The following EIF3H variants were observed in gnomAD, a reference collection of about 807,000 sequenced individuals.
EIF3H encodes eIF-3-gamma.
A neutral mutation model predicts 44.2 loss-of-function variants in EIF3H; 26 were observed. The ratio of observed to expected loss-of-function variants is 0.59; its 90% CI spans 0.43 to 0.82. The LOEUF is 0.82. Ranked by LOEUF, EIF3H falls within the 40% of genes least tolerant of loss-of-function variation. EIF3H has a pLI of 0.00. For synonymous variants in EIF3H, 166 were observed against 151.9 expected, an observed-to-expected ratio of 1.09 and a Z score of -0.68; for missense variants, 359 against 432.8, an observed-to-expected ratio of 0.83 and a Z score of 1.51.
At chr8:116,646,727 T>G in intron 6 of EIF3H, 124 bp from the exon 7 acceptor site, 1 of 1,307,228 alleles carries the variant, frequency 7.6e-7, no homozygotes, top group Admixed American at 2.3e-5. Context: ...TTTTTATCAT[T>G]GGCAACATTT....
At chr8:116,647,537 T>C (rs1813325001) in intron 6 of EIF3H, among the ~76,000 whole-genome samples, 3 of 152,232 alleles carry the variant, frequency 2.0e-5, no homozygotes, top group Admixed American at 2.0e-4. Context: ...AAAGCAGGGA[T>C]ATATATAAAC....
At chr8:116,664,213 T>C (rs1019736577) in intron 2 of EIF3H, among the ~76,000 whole-genome samples, 36 of 152,158 alleles carry the variant, frequency 2.4e-4, no homozygotes, top group African/African-American at 8.2e-4. Context: ...TGCAAAACAG[T>C]CCATTTTAAA....
chr8:116,701,779 A>G (rs949416908), intron 2 of EIF3H, among the ~76,000 whole-genome samples: 5 of 152,218 alleles, frequency 3.3e-5, no homozygotes, highest in African/African-American at 1.2e-4. Flanking sequence ...CTAGGAAAAG[A>G]AACAGACTGG....
chr8:116,672,638 G>GA (rs1236683656), intron 2 of EIF3H, among the ~76,000 whole-genome samples: 1 of 147,722 alleles, frequency 6.8e-6, no homozygotes, highest in African/African-American at 2.5e-5. Context: ...TCTTAAAAAA[G>GA]AAAAAAAGAA....
At chr8:116,683,240 A>T (rs767190844) in intron 2 of EIF3H, among the ~76,000 whole-genome samples, 3 of 152,252 alleles carry the variant, frequency 2.0e-5, no homozygotes, top group Non-Finnish European at 4.4e-5. Flanking sequence ...CTGCCATTAC[A>T]AAACAACATA....
At chr8:116,709,954 A>AT (rs1814545915) in intron 2 of EIF3H, among the ~76,000 whole-genome samples, 1 of 152,158 alleles carries the variant, frequency 6.6e-6, no homozygotes, top group African/African-American at 2.4e-5. Context: ...GCACACCTTC[A>AT]TTTTTTACAA....
At chr8:116,693,881 G>A (rs1586459969) in intron 2 of EIF3H, among the ~76,000 whole-genome samples, 2 of 151,936 alleles carry the variant, frequency 1.3e-5, no homozygotes, top group East Asian at 1.9e-4. Flanking sequence ...TACCCAGGCC[G>A]GCCTTGAGCT....
intron 1 of EIF3H, among the ~76,000 whole-genome samples, chr8:116,735,649 A>G (rs1346432204): frequency 6.6e-6 from 1 of 152,130 alleles, no homozygotes; most frequent in Non-Finnish European, 1.5e-5. Flanking sequence ...AGAATAAGCC[A>G]AAACACCACC....
chr8:116,762,771 G>A (rs900217966), intron 1 of EIF3H, among the ~76,000 whole-genome samples: 7 of 151,946 alleles, frequency 4.6e-5, no homozygotes, highest in African/African-American at 1.5e-4. Context: ...AGTGAAACCC[G>A]GTCCCTACTT....
At chr8:116,746,686 T>C (rs867439650) in intron 1 of EIF3H, among the ~76,000 whole-genome samples, 7 of 152,210 alleles carry the variant, frequency 4.6e-5, no homozygotes, top group African/African-American at 1.7e-4. Flanking sequence ...CAAGATATAA[T>C]AATGTACGCT....
At chr8:116,689,973 T>A (rs1033601141) in intron 2 of EIF3H, among the ~76,000 whole-genome samples, 2 of 152,156 alleles carry the variant, frequency 1.3e-5, no homozygotes, top group Non-Finnish European at 1.5e-5. Flanking sequence ...ACCCCTCCCA[T>A]ATATAATAAC....
At chr8:116,699,840 C>T (rs1214293163) in intron 2 of EIF3H, among the ~76,000 whole-genome samples, 1 of 152,034 alleles carries the variant, frequency 6.6e-6, no homozygotes, top group East Asian at 1.9e-4. Flanking sequence ...GATGGAGTTT[C>T]GCTCTTGTTG....
intron 2 of EIF3H, among the ~76,000 whole-genome samples, chr8:116,689,580 T>C (rs1814138194): frequency 1.3e-5 from 2 of 152,194 alleles, no homozygotes; most frequent in Non-Finnish European, 2.9e-5. Context: ...ATGAGCAGAA[T>C]GCAGAAACAG....
chr8:116,689,081 G>A (rs537703363), intron 2 of EIF3H: 1 of 446,038 alleles, frequency 2.2e-6, no homozygotes, highest in African/African-American at 2.0e-5. Flanking sequence ...ACATTTAATG[G>A]AATACTACTC....
intron 1 of EIF3H, among the ~76,000 whole-genome samples, chr8:116,743,606 T>C (rs886674597): frequency 1.1e-4 from 17 of 150,400 alleles, no homozygotes; most frequent in African/African-American, 3.4e-4. Context: ...AAAACAAAAA[T>C]TAGCTAGGTG....
chr8:116,735,428 A>G (rs1043399962), intron 1 of EIF3H, among the ~76,000 whole-genome samples: 3 of 152,232 alleles, frequency 2.0e-5, no homozygotes, highest in Non-Finnish European at 4.4e-5. Flanking sequence ...ACCCAAGAGA[A>G]ATAAAAACAT....
intron 1 of EIF3H, among the ~76,000 whole-genome samples, chr8:116,763,202 G>C (rs184045732): frequency 6.6e-6 from 1 of 152,208 alleles, no homozygotes; most frequent in East Asian, 1.9e-4. Flanking sequence ...AGGATTGTTA[G>C]GTGAGAAAAG....
chr8:116,755,546 GA>G (rs936289429), intron 1 of EIF3H, 119 bp downstream of exon 1: 18 of 1,356,340 alleles, frequency 1.3e-5, no homozygotes, highest in Non-Finnish European at 1.6e-5. Context: ...ACGTACTAGG[GA>G]AAAACTTTGG....
At chr8:116,754,935 T>G (rs1815415447) in intron 1 of EIF3H, among the ~76,000 whole-genome samples, 1 of 152,220 alleles carries the variant, frequency 6.6e-6, no homozygotes, top group Non-Finnish European at 1.5e-5. Context: ...GAGAGGATGC[T>G]TTTTAAAAAG....
Sources: gnomAD v4.1 joint callset for allele counts (sites outside exome capture counted in the v4.1 genomes callset) on GRCh38, gnomAD v4.1.1 for gene constraint, MANE v1.5 for transcripts, NCBI Gene and HGNC (gene_info 2026-07-23, HGNC 2026-07-21) for gene names.